The following PLCH1 variants were observed in gnomAD, a reference collection of about 807,000 sequenced individuals.
PLCH1 encodes the protein phospholipase C eta 1, also known as 1-phosphatidylinositol 4,5-bisphosphate phosphodiesterase eta-1.
Under a neutral mutation model 126.7 loss-of-function variants are expected in PLCH1, and 60 were observed. That is an observed-to-expected ratio of 0.47 (90% CI 0.38 to 0.59). The LOEUF (loss-of-function observed/expected upper bound fraction) is 0.59. Ranked by LOEUF, PLCH1 falls within the 20% of genes least tolerant of loss-of-function variation. The pLI is 0.00. For synonymous variants in PLCH1, 719 were observed against 734.9 expected (o/e 0.98, Z 0.35); for missense variants, 1,723 against 2,040.0 (o/e 0.84, Z 2.99).
chr3:155,619,843 T>C (rs915912577), intron 2 of PLCH1, among the ~76,000 whole-genome samples: 4 of 150,566 alleles, frequency 2.7e-5, no homozygotes, highest in African/African-American at 9.8e-5. Flanking sequence ...GCAGATGTTT[T>C]TGTCAAAAAA....
Position 155,523,219 on chromosome 3 carries a change from G to C in PLCH1, c.1470+678C>G, listed in dbSNP as rs942387422. ...TCTCGATCTCCTGACCTCGTGATCT[G>C]CCCGCCTCGGCCTCCCAAAGTGCTG... On this transcript the variant is annotated intron_variant, in intron 11 of 22. Transcript: ENST00000460012. 3.3e-5 allele frequency among the ~76,000 whole-genome samples: 5 copies of C among 152,018 alleles called. No homozygotes were observed. The East Asian group carries it at 5.8e-4, about 18-fold the overall frequency.
At chr3:155,530,910 T>C (rs1206291326) in intron 10 of PLCH1, among the ~76,000 whole-genome samples, 4 of 152,232 alleles carry the variant, frequency 2.6e-5, no homozygotes, top group Non-Finnish European at 5.9e-5. Flanking sequence ...ACAGAATAGA[T>C]GTTGTGTAGC....
At chr3:155,686,879 T>A (rs1207770128) in intron 2 of PLCH1, among the ~76,000 whole-genome samples, 1 of 152,166 alleles carries the variant, frequency 6.6e-6, no homozygotes, top group Non-Finnish European at 1.5e-5. Flanking sequence ...AAAATGAACA[T>A]GAACCTTATA....
At chr3:155,731,857 C>A (rs1337549501) in intron 1 of PLCH1, among the ~76,000 whole-genome samples, 1 of 151,996 alleles carries the variant, frequency 6.6e-6, no homozygotes, top group Non-Finnish European at 1.5e-5. Context: ...GCGGCACACA[C>A]CTATAGTCCC....
chr3:155,476,870 T>C (rs1216427577), downstream of PLCH1, among the ~76,000 whole-genome samples: 1 of 152,028 alleles, frequency 6.6e-6, no homozygotes, highest in African/African-American at 2.4e-5. Context: ...AAAATACCAA[T>C]GACATTCTTC....
At chr3:155,619,504 A>AAG (rs1736200667) in intron 2 of PLCH1, among the ~76,000 whole-genome samples, 1 of 151,986 alleles carries the variant, frequency 6.6e-6, no homozygotes, top group African/African-American at 2.4e-5. Flanking sequence ...AAAGTAAAAA[A>AAG]AAAAAAAAAG....
At chr3:155,626,950 C>T (rs1404903885) in intron 2 of PLCH1, among the ~76,000 whole-genome samples, 1 of 151,782 alleles carries the variant, frequency 6.6e-6, no homozygotes, top group African/African-American at 2.4e-5. Flanking sequence ...ATAAAAAAGA[C>T]AATCCAATTA....
intron 10 of PLCH1, among the ~76,000 whole-genome samples, chr3:155,545,831 T>C (rs1220169226): frequency 2.6e-5 from 4 of 152,132 alleles, no homozygotes; most frequent in African/African-American, 9.7e-5. Flanking sequence ...TTTGACAAAA[T>C]TCAACAAGCT....
chr3:155,455,899 A>G (rs1260983128), intron 21 of PLCH1, among the ~76,000 whole-genome samples: 1 of 152,192 alleles, frequency 6.6e-6, no homozygotes, highest in Non-Finnish European at 1.5e-5. Context: ...ACAAATGAGG[A>G]CTGATAAGCC....
At chr3:155,504,069 T>G (rs1718304646) in intron 13 of PLCH1, among the ~76,000 whole-genome samples, 1 of 152,234 alleles carries the variant, frequency 6.6e-6, no homozygotes, top group Admixed American at 6.5e-5. Context: ...CATTTTAAAT[T>G]GTGTTTCCCA....
At chr3:155,492,888 A>G (rs1489817208) in intron 17 of PLCH1, 35 bp from the exon 18 acceptor site, 1 of 1,540,398 alleles carries the variant, frequency 6.5e-7, no homozygotes, top group Non-Finnish European at 8.7e-7. Context: ...GTAACATAAG[A>G]AGAAACACAC....
chr3:155,593,942 G>C lies in PLCH1; in HGVS notation c.469C>G (p.Gln157Glu). 1.2e-6 allele frequency: 2 copies of C among 1,613,910 alleles called. No homozygotes were observed. The highest frequency in any genetic ancestry group is 8.5e-7 in the Non-Finnish European group (1 of 1,179,868). Residue 157 changes from glutamine (Q) to glutamate (E), a missense_variant and splice_region_variant, in exon 4 of 23, where the codon CAA becomes GAA. Physicochemically the swap from Gln to Glu is conservative, Grantham distance 29 (BLOSUM62 2). Coordinates refer to ENST00000460012, the MANE Select transcript of PLCH1 (RefSeq NM_014996.4). Reference sequence around the variant, plus strand: ...AAAATAAAGTTCTAGAAAGGATATTGGTCATGGGTCCTCTGCCTTTTGGCA... The same window carrying C: ...AAAATAAAGTTCTAGAAAGGATATTCGTCATGGGTCCTCTGCCTTTTGGCA... The part of the protein sequence containing the change: ...SLAKRQRTHD[Q>E]WVKQTFEEAD...
chr3:155,502,553 CA>C (rs1718056208), intron 13 of PLCH1, among the ~76,000 whole-genome samples: 1 of 152,250 alleles, frequency 6.6e-6, no homozygotes. Flanking sequence ...TTGAGTTATA[CA>C]GTAATAAATG....
rs936543369 is a variant in PLCH1, at chr3:155,649,985, AAAG to A, written c.80-53610_80-53608del. ...AGAGTGAGACTCCTTCTCAAAAAAA[AAAG>A]AAGTAGAATTAACAAGACTCGGGGA... On this transcript the variant is annotated intron_variant, in intron 2 of 22. Coordinates refer to ENST00000460012, the MANE Select transcript of PLCH1 (RefSeq NM_014996.4). Among the ~76,000 whole-genome samples, 198 of 152,182 alleles carry A rather than the reference AAAG, an allele frequency of 1.3e-3. 1 individual carries two copies. The highest frequency in any genetic ancestry group is 4.6e-3 in the African/African-American group (189 of 41,518).
chr3:155,473,689 C>A (rs1007976867), intron 21 of PLCH1, among the ~76,000 whole-genome samples: 1 of 151,918 alleles, frequency 6.6e-6, no homozygotes, highest in African/African-American at 2.4e-5. Flanking sequence ...TACAAGGCTA[C>A]AGTAACCAAA....
chr3:155,565,270 T>C, intron 7 of PLCH1, 152 bp from the exon 8 acceptor site: 1 of 615,406 alleles, frequency 1.6e-6, no homozygotes, highest in Non-Finnish European at 2.9e-6. Flanking sequence ...CAATGAGAGA[T>C]TTGCTTGAGG....
intron 4 of PLCH1, among the ~76,000 whole-genome samples, chr3:155,588,663 T>C (rs1434690763): frequency 6.6e-6 from 1 of 152,236 alleles, no homozygotes; most frequent in Non-Finnish European, 1.5e-5. Context: ...AGCCTGTGTC[T>C]GTCTGCAAAG....
At chr3:155,486,934 G>C (rs1249149366) in intron 21 of PLCH1, 1 of 152,084 alleles carries the variant, frequency 6.6e-6, no homozygotes, top group African/African-American at 2.4e-5. Context: ...AATCATTTTT[G>C]AATTATTTAC....
intron 4 of PLCH1, among the ~76,000 whole-genome samples, chr3:155,592,491 T>TCA (rs63749717): frequency 0.6 from 84,781 of 141,794 alleles, 26,860 homozygotes; most frequent in Middle Eastern, 0.74. Flanking sequence ...CAAGACTCCA[T>TCA]CTCCAAAAAA....
Sources: allele counts gnomAD v4.1 joint callset (sites outside exome capture counted in the v4.1 genomes callset), GRCh38; gene constraint gnomAD v4.1.1; transcripts MANE v1.5; gene names NCBI Gene and HGNC (gene_info 2026-07-23, HGNC 2026-07-21).